ACMSD: variants seen among roughly 807,000 people sequenced by gnomAD.
ACMSD encodes 2-amino-3-carboxymuconate-6-semialdehyde decarboxylase.
ACMSD carries 37 observed loss-of-function variants against 45.9 expected under a neutral mutation model. That is an observed-to-expected ratio of 0.81 (90% CI 0.62 to 1.06). ACMSD has a LOEUF of 1.06. Ranked by LOEUF, ACMSD falls within the 50% of genes least tolerant of loss-of-function variation. ACMSD has a pLI of 0.00. For missense variants in ACMSD, 434 were observed against 420.9 expected, an observed-to-expected ratio of 1.03 and a Z score of -0.27; for synonymous variants, 138 against 148.8, an observed-to-expected ratio of 0.93 and a Z score of 0.53.
At chr2:134,846,128 T>G (rs1687042891) in intron 2 of ACMSD, among the ~76,000 whole-genome samples, 1 of 152,074 alleles carries the variant, frequency 6.6e-6, no homozygotes. Flanking sequence ...GCAGGGAGGC[T>G]TGCCCAGGGA....
At chr2:134,886,939 T>C (rs1338796680) in intron 8 of ACMSD, among the ~76,000 whole-genome samples, 1 of 152,220 alleles carries the variant, frequency 6.6e-6, no homozygotes, top group Non-Finnish European at 1.5e-5. Flanking sequence ...GTTGTATTTT[T>C]ATATACTAGC....
intron 2 of ACMSD, among the ~76,000 whole-genome samples, chr2:134,847,940 C>T (rs1393145469): frequency 6.6e-6 from 1 of 151,892 alleles, no homozygotes; most frequent in Non-Finnish European, 1.5e-5. Flanking sequence ...CAACCTCTGC[C>T]TCCCGGGTTC....
chr2:134,885,318 T>TATA (rs1553515597), intron 8 of ACMSD, among the ~76,000 whole-genome samples: 2 of 98,992 alleles, frequency 2.0e-5, no homozygotes, highest in East Asian at 3.9e-4. Flanking sequence ...TATATATATA[T>TATA]AAATATATAT....
intron 2 of ACMSD, among the ~76,000 whole-genome samples, chr2:134,850,906 T>A (rs1308933770): frequency 6.6e-6 from 1 of 152,196 alleles, no homozygotes; most frequent in Non-Finnish European, 1.5e-5. Flanking sequence ...GTGAGCATAG[T>A]AACCACTGGA....
chr2:134,867,547 C>A (rs1371780896), intron 5 of ACMSD, 32 bp from the exon 6 acceptor site: 7 of 1,541,996 alleles, frequency 4.5e-6, no homozygotes, highest in Non-Finnish European at 6.3e-6. Context: ...ATCAAAGTAA[C>A]CCTCTCTCTC....
intron 2 of ACMSD, among the ~76,000 whole-genome samples, chr2:134,851,974 T>C (rs1687366132): frequency 6.6e-6 from 1 of 152,200 alleles, no homozygotes; most frequent in East Asian, 1.9e-4. Flanking sequence ...TTTACTGAAA[T>C]AGGAATGCAC....
intron 7 of ACMSD, among the ~76,000 whole-genome samples, chr2:134,872,029 T>C (rs1252550419): frequency 6.6e-6 from 1 of 150,992 alleles, no homozygotes; most frequent in African/African-American, 2.4e-5. Context: ...CAATCTCGGC[T>C]CACTGCACCC....
At chr2:134,891,682 A>G (rs1354959134) in intron 8 of ACMSD, among the ~76,000 whole-genome samples, 1 of 152,164 alleles carries the variant, frequency 6.6e-6, no homozygotes, top group East Asian at 1.9e-4. Flanking sequence ...AAATTTCACA[A>G]AGAACTAAAA....
rs151284408 is a variant in ACMSD, at chr2:134,872,104, G to A, written c.677-365G>A. On this transcript the variant is annotated intron_variant, in intron 7 of 9. Transcript: ENST00000356140. The stretch of plus-strand genomic sequence containing the variant: ...CCTGAGTAGCCATGGCTACAGGAAT[G>A]TGCCACCACACCCAACTAATTTTTT... Among the ~76,000 whole-genome samples, 172 of 152,076 alleles carry A rather than the reference G, an allele frequency of 1.1e-3. 5 individuals carry two copies. The Middle Eastern group carries it at 0.041, about 36-fold the overall frequency.
intron 1 of ACMSD, among the ~76,000 whole-genome samples, chr2:134,839,294 G>A (rs1686673768): frequency 6.6e-6 from 1 of 152,146 alleles, no homozygotes; most frequent in African/African-American, 2.4e-5. Context: ...GAACTAGGAA[G>A]TAGGTACATC....
intron 9 of ACMSD, among the ~76,000 whole-genome samples, chr2:134,898,662 A>C (rs1690324972): frequency 6.6e-6 from 1 of 152,184 alleles, no homozygotes; most frequent in South Asian, 2.1e-4. Flanking sequence ...AAACCCAAGA[A>C]AGAAAGTTGT....
chr2:134,842,500 A>T (rs1686851485), intron 1 of ACMSD, among the ~76,000 whole-genome samples: 1 of 151,984 alleles, frequency 6.6e-6, no homozygotes, highest in Non-Finnish European at 1.5e-5. Context: ...TACTATCACC[A>T]TGGCTGTCAC....
At chr2:134,898,572 C>T in intron 9 of ACMSD, 133 bp downstream of exon 9, 1 of 504,564 alleles carries the variant, frequency 2.0e-6, no homozygotes, top group Non-Finnish European at 3.4e-6. Context: ...AACTATTACT[C>T]TATCTCCATA....
intron 8 of ACMSD, among the ~76,000 whole-genome samples, chr2:134,895,766 CAGG>C (rs1448852883): frequency 6.6e-6 from 1 of 152,140 alleles, no homozygotes; most frequent in Non-Finnish European, 1.5e-5. Context: ...GAGGCTGAGG[CAGG>C]AGAATTGCCT....
At chr2:134,865,362 G>A (rs189389264) in intron 5 of ACMSD, among the ~76,000 whole-genome samples, 12 of 152,300 alleles carry the variant, frequency 7.9e-5, no homozygotes, top group Admixed American at 7.2e-4. Context: ...CAGTGTGATC[G>A]AGACTTCAGC....
chr2:134,894,334 A>C (rs1689969100), intron 8 of ACMSD, among the ~76,000 whole-genome samples: 1 of 152,128 alleles, frequency 6.6e-6, no homozygotes, highest in Non-Finnish European at 1.5e-5. Context: ...AATTATAAGT[A>C]AAAATTTGAG....
chr2:134,899,591 AATT>A (rs1448751799), intron 9 of ACMSD, among the ~76,000 whole-genome samples: 5 of 152,098 alleles, frequency 3.3e-5, no homozygotes, highest in Non-Finnish European at 5.9e-5. Flanking sequence ...GAATAATAGT[AATT>A]ATTATTACAT....
intron 8 of ACMSD, among the ~76,000 whole-genome samples, chr2:134,874,061 C>A (rs566548560): frequency 5.9e-5 from 9 of 152,310 alleles, no homozygotes; most frequent in African/African-American, 2.2e-4. Context: ...ATACTATCAG[C>A]ACCTTCAGCG....
At chr2:134,838,974 T>G (rs1172623520) in intron 1 of ACMSD, among the ~76,000 whole-genome samples, 1 of 152,166 alleles carries the variant, frequency 6.6e-6, no homozygotes, top group Non-Finnish European at 1.5e-5. Context: ...TTCCCTCAAA[T>G]GAACCATTCT....
Sources: allele counts gnomAD v4.1 joint callset (sites outside exome capture counted in the v4.1 genomes callset), GRCh38; gene constraint gnomAD v4.1.1; transcripts MANE v1.5; gene names NCBI Gene and HGNC (gene_info 2026-07-23, HGNC 2026-07-21).